The following RANBP17 variants were observed in gnomAD, a reference collection of about 807,000 sequenced individuals.
RANBP17 encodes ran-binding protein 17.
RANBP17 carries 158 observed loss-of-function variants against 141.2 expected under a neutral mutation model. The observed-to-expected ratio is 1.12, with a 90% CI of 0.98 to 1.28. The LOEUF is 1.28. Ranked by LOEUF, RANBP17 falls within the 50% of genes most tolerant of loss-of-function variation. RANBP17 has a pLI of 0.00. For missense variants in RANBP17, 1,438 were observed against 1,290.7 expected, an observed-to-expected ratio of 1.11 and a Z score of -1.75; for synonymous variants, 430 against 450.0, an observed-to-expected ratio of 0.96 and a Z score of 0.56.
chr5:171,257,244 C>G (rs528453562), intron 24 of RANBP17, among the ~76,000 whole-genome samples: 1 of 152,172 alleles, frequency 6.6e-6, no homozygotes, highest in African/African-American at 2.4e-5. Flanking sequence ...AGGAATGCAG[C>G]GTTAATTCAG....
At chr5:170,889,702 T>C (rs4867639) in intron 3 of RANBP17, among the ~76,000 whole-genome samples, 91,515 of 151,990 alleles carry the variant, frequency 0.6, 29,286 homozygotes, top group South Asian at 0.9. Flanking sequence ...GCAAAGGACC[T>C]CTAGTGTGTA....
At chr5:171,122,557 G>A (rs1350316999) in intron 14 of RANBP17, among the ~76,000 whole-genome samples, 2 of 152,216 alleles carry the variant, frequency 1.3e-5, no homozygotes, top group Admixed American at 6.5e-5. Flanking sequence ...GAAGCAGCCA[G>A]CCTGGCCAGG....
In RANBP17 at chr5:171,177,321, C is replaced by T. The variant is rs575950953; in HGVS notation, c.1866-5846C>T. Among the ~76,000 whole-genome samples, 19 of 152,224 alleles carry T rather than the reference C, an allele frequency of 1.2e-4. No homozygotes were observed. In the South Asian group the frequency reaches 3.1e-3, roughly 25 times the overall value. On this transcript the variant is annotated intron_variant, in intron 16 of 27. Transcript: ENST00000523189. Reference sequence around the variant, plus strand: ...TTTAGATTTTTGTTTCACAAAATTACGTACCTTGAGTATTGTTTTGATCTG... The same window carrying T: ...TTTAGATTTTTGTTTCACAAAATTATGTACCTTGAGTATTGTTTTGATCTG...
At chr5:171,038,407 T>TGA (rs1359411713) in intron 14 of RANBP17, among the ~76,000 whole-genome samples, 1 of 152,140 alleles carries the variant, frequency 6.6e-6, no homozygotes, top group African/African-American at 2.4e-5. Flanking sequence ...GAGAGATAGT[T>TGA]TGACTTCTTT....
At chr5:171,030,807 A>AGT (rs1429432247) in intron 14 of RANBP17, among the ~76,000 whole-genome samples, 1 of 152,040 alleles carries the variant, frequency 6.6e-6, no homozygotes, top group Non-Finnish European at 1.5e-5. Flanking sequence ...GGGCTGGGCA[A>AGT]GTCAATTACA....
intron 8 of RANBP17, among the ~76,000 whole-genome samples, chr5:170,915,533 T>C (rs1403204952): frequency 2.6e-5 from 4 of 152,092 alleles, no homozygotes; most frequent in Admixed American, 6.6e-5. Context: ...TTGTTTTTGT[T>C]TTTAATTTGG....
chr5:170,989,601 T>C (rs1207192484), intron 14 of RANBP17, among the ~76,000 whole-genome samples: 1 of 151,846 alleles, frequency 6.6e-6, no homozygotes, highest in Non-Finnish European at 1.5e-5. Flanking sequence ...AAGATAATCA[T>C]TGGATATTAT....
intron 9 of RANBP17, 101 bp downstream of exon 9, chr5:170,916,685 A>G: frequency 1.2e-6 from 1 of 803,746 alleles, no homozygotes; most frequent in Non-Finnish European, 1.8e-6. Context: ...TCTGGAAGAA[A>G]ACATTTAGTA....
chr5:170,962,010 A>G (rs1023914688), intron 13 of RANBP17, among the ~76,000 whole-genome samples: 5 of 152,202 alleles, frequency 3.3e-5, no homozygotes, highest in African/African-American at 1.2e-4. Flanking sequence ...TAATATATGT[A>G]GATGTAATGG....
intron 12 of RANBP17, among the ~76,000 whole-genome samples, chr5:170,937,194 A>G (rs139560140): frequency 2.4e-3 from 371 of 152,312 alleles, no homozygotes; most frequent in African/African-American, 8.2e-3. Context: ...TCTCATTTTC[A>G]TATCACACTG....
intron 14 of RANBP17, among the ~76,000 whole-genome samples, chr5:170,979,514 G>T (rs535452693): frequency 1.4e-4 from 21 of 152,146 alleles, no homozygotes; most frequent in Non-Finnish European, 2.5e-4. Flanking sequence ...CCCATGTGTT[G>T]TGGGAGGGAC....
At chr5:171,171,117 C>T (rs997971077) in intron 15 of RANBP17, 89 bp from the exon 16 acceptor site, 27 of 694,962 alleles carry the variant, frequency 3.9e-5, no homozygotes, top group Non-Finnish European at 6.1e-5. Context: ...TTTAGGTCAT[C>T]AAACTTACAT....
chr5:170,978,809 CTG>C (rs1219851364), intron 14 of RANBP17, among the ~76,000 whole-genome samples: 1 of 151,514 alleles, frequency 6.6e-6, no homozygotes, highest in Non-Finnish European at 1.5e-5. Flanking sequence ...TATAAAGACA[CTG>C]AGCTCATATT....
At chr5:170,929,048 A>G (rs575568857) in intron 12 of RANBP17, among the ~76,000 whole-genome samples, 1 of 152,176 alleles carries the variant, frequency 6.6e-6, no homozygotes, top group East Asian at 1.9e-4. Flanking sequence ...AAATTTCCTG[A>G]TTATTCTCTG....
At chr5:171,172,010 A>C (rs1760133022) in intron 16 of RANBP17, among the ~76,000 whole-genome samples, 1 of 151,996 alleles carries the variant, frequency 6.6e-6, no homozygotes, top group Non-Finnish European at 1.5e-5. Flanking sequence ...TACATTAGCT[A>C]TCAAATATAT....
chr5:170,963,823 CAA>C (rs1286405756), intron 13 of RANBP17, among the ~76,000 whole-genome samples: 1 of 151,962 alleles, frequency 6.6e-6, no homozygotes, highest in African/African-American at 2.4e-5. Context: ...GTCATAAAGT[CAA>C]GAGACAAATG....
intron 14 of RANBP17, among the ~76,000 whole-genome samples, chr5:171,048,839 C>T (rs889655225): frequency 6.6e-6 from 1 of 152,138 alleles, no homozygotes; most frequent in Non-Finnish European, 1.5e-5. Flanking sequence ...CATAGTAGTG[C>T]ACAGTGTGTA....
intron 14 of RANBP17, among the ~76,000 whole-genome samples, chr5:171,058,806 C>T (rs946806406): frequency 6.7e-6 from 1 of 150,164 alleles, no homozygotes; most frequent in Admixed American, 6.6e-5. Context: ...TATTTCTCCA[C>T]ATCCTCTCCA....
chr5:170,880,278 G>A (rs1435600614), intron 2 of RANBP17, among the ~76,000 whole-genome samples: 2 of 152,148 alleles, frequency 1.3e-5, no homozygotes, highest in Non-Finnish European at 2.9e-5. Context: ...AGAAACATCT[G>A]TCCACTCATC....
Sources: gnomAD v4.1 joint callset for allele counts (sites outside exome capture counted in the v4.1 genomes callset) on GRCh38, gnomAD v4.1.1 for gene constraint, MANE v1.5 for transcripts, NCBI Gene and HGNC (gene_info 2026-07-23, HGNC 2026-07-21) for gene names.